Variants in CARMIL1 observed in about 807,000 individuals in gnomAD.
CARMIL1 encodes capping protein regulator and myosin 1 linker 1, also known as F-actin-uncapping protein LRRC16A.
A neutral mutation model predicts 177.1 loss-of-function variants in CARMIL1; 90 were observed. The ratio of observed to expected loss-of-function variants is 0.51; its 90% CI spans 0.43 to 0.61. CARMIL1 has a LOEUF of 0.61. CARMIL1 is among the 20% of genes least tolerant of loss of function. The probability of loss-of-function intolerance (pLI) is 0.00; values close to 1 mark genes in which losing one functional copy is unlikely to be tolerated. For missense variants in CARMIL1, 1,380 were observed against 1,667.0 expected, an observed-to-expected ratio of 0.83 and a Z score of 3.00; for synonymous variants, 577 against 606.2, an observed-to-expected ratio of 0.95 and a Z score of 0.71.
intron 8 of CARMIL1, among the ~76,000 whole-genome samples, chr6:25,458,111 C>G (rs535425832): frequency 2.6e-5 from 4 of 152,080 alleles, no homozygotes; most frequent in African/African-American, 7.2e-5. Flanking sequence ...GGTATCAGAA[C>G]TAGGTAATCT....
rs563418003 is a variant in CARMIL1 at position 25,489,337 on chromosome 6, C to T, written c.1065+752C>T. 1.9e-3 allele frequency among the ~76,000 whole-genome samples: 282 copies of T among 152,238 alleles called. 1 individual carries two copies. The highest frequency in any genetic ancestry group is 0.014 in the South Asian group (68 of 4,814). ...GAGTATTGGGATAAACCTGAGCACT[C>T]GTCTATTCCGTGAATAAAATAGGGA... On this transcript the variant is annotated intron_variant, in intron 13 of 36. Coordinates refer to ENST00000329474, the MANE Select transcript of CARMIL1 (RefSeq NM_017640.6).
intron 33 of CARMIL1, among the ~76,000 whole-genome samples, chr6:25,601,930 C>T (rs1265948506): frequency 6.6e-6 from 1 of 152,182 alleles, no homozygotes; most frequent in African/African-American, 2.4e-5. Flanking sequence ...TATTTTTACA[C>T]AACTGGTTCT....
intron 2 of CARMIL1, among the ~76,000 whole-genome samples, chr6:25,399,930 C>T (rs548918061): frequency 3.4e-4 from 51 of 152,220 alleles, no homozygotes; most frequent in African/African-American, 1.2e-3. Flanking sequence ...TTAATCTTCA[C>T]GACACTTATA....
intron 2 of CARMIL1, among the ~76,000 whole-genome samples, chr6:25,376,517 T>C (rs1422053837): frequency 6.6e-6 from 1 of 152,216 alleles, no homozygotes; most frequent in East Asian, 1.9e-4. Flanking sequence ...CTAATTCAGC[T>C]CTTGGTGCTT....
intron 26 of CARMIL1, among the ~76,000 whole-genome samples, chr6:25,541,962 T>C (rs151291501): frequency 1.3e-5 from 2 of 152,336 alleles, no homozygotes; most frequent in African/African-American, 2.4e-5. Flanking sequence ...CCCGGCCTCA[T>C]TGTGTCTTTT....
At chr6:25,335,493 C>G (rs1199693891) in intron 2 of CARMIL1, among the ~76,000 whole-genome samples, 1 of 152,164 alleles carries the variant, frequency 6.6e-6, no homozygotes, top group African/African-American at 2.4e-5. Context: ...TATAGTTGTA[C>G]TGTTTTTAAT....
intron 2 of CARMIL1, among the ~76,000 whole-genome samples, chr6:25,369,305 G>A (rs551045943): frequency 6.6e-6 from 1 of 151,882 alleles, no homozygotes; most frequent in Non-Finnish European, 1.5e-5. Context: ...TCAGTGTCTC[G>A]AGCTTTAGTT....
chr6:25,288,195 T>C (rs543511905), intron 2 of CARMIL1, among the ~76,000 whole-genome samples: 17 of 152,150 alleles, frequency 1.1e-4, no homozygotes, highest in Non-Finnish European at 2.4e-4. Flanking sequence ...GGAGACATGT[T>C]CTGGACAAAG....
intron 2 of CARMIL1, among the ~76,000 whole-genome samples, chr6:25,385,788 AT>A (rs1792099945): frequency 6.6e-6 from 1 of 152,052 alleles, no homozygotes; most frequent in Non-Finnish European, 1.5e-5. Context: ...CAGCTCTTGA[AT>A]TTTTCCAAGA....
At chr6:25,485,814 G>A (rs374470663) in intron 12 of CARMIL1, among the ~76,000 whole-genome samples, 25 of 151,822 alleles carry the variant, frequency 1.6e-4, no homozygotes, top group African/African-American at 6.0e-4. Flanking sequence ...TTGACTTCTT[G>A]AAGTATTTTA....
At chr6:25,309,479 CTTTT>C (rs35901028) in intron 2 of CARMIL1, among the ~76,000 whole-genome samples, 22 of 145,300 alleles carry the variant, frequency 1.5e-4, no homozygotes, top group East Asian at 2.0e-4. Context: ...AATTTTGAGC[CTTTT>C]TTTTTTTTTA....
At chr6:25,404,150 A>C (rs990187403) in intron 2 of CARMIL1, among the ~76,000 whole-genome samples, 8 of 152,206 alleles carry the variant, frequency 5.3e-5, no homozygotes, top group African/African-American at 1.9e-4. Flanking sequence ...TGCCTGGCTC[A>C]ACAAGGGGCC....
At chr6:25,590,250 T>C (rs928482027) in intron 31 of CARMIL1, among the ~76,000 whole-genome samples, 16 of 152,232 alleles carry the variant, frequency 1.1e-4, no homozygotes, top group African/African-American at 3.1e-4. Flanking sequence ...TTTTTTTCGG[T>C]ATTTGTTGAG....
chr6:25,577,486 A>T lies in CARMIL1; in HGVS notation c.2743-3438A>T, dbSNP rs1049226675. Among the ~76,000 whole-genome samples the T allele has an allele frequency of 2.0e-4, 30 of 149,276 alleles. No homozygotes were observed. The highest frequency in any genetic ancestry group is 6.2e-4 in the African/African-American group (25 of 40,376). On this transcript the variant is annotated intron_variant, in intron 29 of 36. Coordinates refer to ENST00000329474, the MANE Select transcript of CARMIL1 (RefSeq NM_017640.6). This position sits in a 1 kb window ranked among gnomAD's most constrained non-coding sequence, Gnocchi z 4.5. ...TTTCTACAGCCTTGGTGGTGGGGGG[A>T]AGTAATTATGGATTCTTGAACTTGG...
chr6:25,445,134 A>G (rs1320161027), intron 5 of CARMIL1, among the ~76,000 whole-genome samples: 2 of 152,228 alleles, frequency 1.3e-5, no homozygotes, highest in African/African-American at 4.8e-5. Flanking sequence ...GCATGTTCAC[A>G]GTATCTTTAT....
At chr6:25,503,509 C>T (rs1423375651) in intron 17 of CARMIL1, among the ~76,000 whole-genome samples, 1 of 152,160 alleles carries the variant, frequency 6.6e-6, no homozygotes, top group African/African-American at 2.4e-5. Flanking sequence ...ATGCTTGACA[C>T]TTTGAGTGTT....
At chr6:25,600,284 A>T (rs772947511) in intron 32 of CARMIL1, 30 bp from the exon 33 acceptor site, 17 of 1,566,944 alleles carry the variant, frequency 1.1e-5, no homozygotes, top group Non-Finnish European at 1.5e-5. Context: ...CAGTAAAAAC[A>T]ACAGATCTGT....
intron 33 of CARMIL1, among the ~76,000 whole-genome samples, chr6:25,601,152 G>T (rs1815360117): frequency 6.6e-6 from 1 of 152,172 alleles, no homozygotes; most frequent in African/African-American, 2.4e-5. Context: ...GTTTATTTGG[G>T]TGAGAAAATA....
At chr6:25,425,259 G>A (rs1373084529) in intron 3 of CARMIL1, among the ~76,000 whole-genome samples, 8 of 152,148 alleles carry the variant, frequency 5.3e-5, no homozygotes, top group Non-Finnish European at 1.2e-4. Context: ...ATGAATGAAT[G>A]AGTTCTCTTT....
Sources: gnomAD v4.1 joint callset for allele counts (sites outside exome capture counted in the v4.1 genomes callset) on GRCh38, gnomAD v4.1.1 for gene constraint, Gnocchi (gnomAD v3.1) non-coding constraint, MANE v1.5 for transcripts, NCBI Gene and HGNC (gene_info 2026-07-23, HGNC 2026-07-21) for gene names.